PDE3B: variants seen among roughly 807,000 people sequenced by gnomAD.
PDE3B encodes the protein phosphodiesterase 3B.
In PDE3B, 66 loss-of-function variants were observed where a neutral mutation model predicts 116.8. That is an observed-to-expected ratio of 0.56 (90% CI 0.46 to 0.69). The LOEUF is 0.69. PDE3B is among the 30% of genes least tolerant of loss of function. PDE3B has a pLI of 0.00. For synonymous variants in PDE3B, 595 were observed against 533.6 expected, an observed-to-expected ratio of 1.12 and a Z score of -1.59; for missense variants, 1,384 against 1,368.1, an observed-to-expected ratio of 1.01 and a Z score of -0.18.
At chr11:14,777,903 G>A (rs1857838011) in intron 2 of PDE3B, among the ~76,000 whole-genome samples, 1 of 152,126 alleles carries the variant, frequency 6.6e-6, no homozygotes, top group Non-Finnish European at 1.5e-5. Flanking sequence ...CTTTTTCCTA[G>A]CCAAGGGAAG....
intron 1 of PDE3B, among the ~76,000 whole-genome samples, chr11:14,748,019 G>GTA (rs1414268504): frequency 1.3e-5 from 2 of 152,228 alleles, no homozygotes; most frequent in Admixed American, 1.3e-4. Context: ...TACCAACATA[G>GTA]TATAGCATTT....
intron 1 of PDE3B, among the ~76,000 whole-genome samples, chr11:14,724,947 T>G (rs1202902859): frequency 2.0e-5 from 3 of 152,192 alleles, no homozygotes; most frequent in Non-Finnish European, 2.9e-5. Context: ...AGGGATAAGA[T>G]AGTCAAGATC....
At chr11:14,773,509 T>C (rs1254399332) in intron 2 of PDE3B, 1 of 152,162 alleles carries the variant, frequency 6.6e-6, no homozygotes, top group East Asian at 1.9e-4. Flanking sequence ...TATTTACCCT[T>C]TCTATTACCT....
At chr11:14,672,299 C>T (rs1854396551) in intron 1 of PDE3B, among the ~76,000 whole-genome samples, 1 of 151,648 alleles carries the variant, frequency 6.6e-6, no homozygotes, top group Non-Finnish European at 1.5e-5. Context: ...CTTTTTATAG[C>T]TATTACAAAT....
chr11:14,744,527 G>A (rs1357235184), intron 1 of PDE3B, among the ~76,000 whole-genome samples: 1 of 152,118 alleles, frequency 6.6e-6, no homozygotes, highest in Non-Finnish European at 1.5e-5. Context: ...TTATTACCAA[G>A]TATTTTATTA....
intron 1 of PDE3B, among the ~76,000 whole-genome samples, chr11:14,685,653 A>G (rs935031887): frequency 6.6e-6 from 1 of 151,736 alleles, no homozygotes; most frequent in African/African-American, 2.4e-5. Context: ...ACAGGGTTTC[A>G]CCATGTTGGC....
At chr11:14,848,346 A>G (rs373008451) in intron 12 of PDE3B, among the ~76,000 whole-genome samples, 17,541 of 141,596 alleles carry the variant, frequency 0.12, 1,214 homozygotes, top group African/African-American at 0.19. Flanking sequence ...TCTCAAAATA[A>G]TAAGAGCTAT....
chr11:14,700,380 G>A (rs1437591596), intron 1 of PDE3B, among the ~76,000 whole-genome samples: 1 of 150,902 alleles, frequency 6.6e-6, no homozygotes, highest in Non-Finnish European at 1.5e-5. Flanking sequence ...TAGAAAAAGA[G>A]GAAGTTGATT....
At chr11:14,671,970 T>C (rs1854379949) in intron 1 of PDE3B, among the ~76,000 whole-genome samples, 1 of 150,212 alleles carries the variant, frequency 6.7e-6, no homozygotes, top group African/African-American at 2.5e-5. Context: ...TGAGCTGTGA[T>C]TGTGGTACTG....
chr11:14,786,713 A>G (rs368115733), intron 3 of PDE3B, 28 bp downstream of exon 3: 32 of 1,532,868 alleles, frequency 2.1e-5, no homozygotes, highest in Non-Finnish European at 2.8e-5. Flanking sequence ...ATCTAACCCT[A>G]TTTATCAAAT....
intron 7 of PDE3B, among the ~76,000 whole-genome samples, chr11:14,821,840 TAA>T (rs1365012348): frequency 6.6e-6 from 1 of 152,076 alleles, no homozygotes; most frequent in African/African-American, 2.4e-5. Context: ...TTGCCATTAT[TAA>T]GTACGAAAAT....
chr11:14,885,662 T>G, the PDE3B span: 1 of 1,131,362 alleles, frequency 8.8e-7, no homozygotes, highest in Non-Finnish European at 1.3e-6. Flanking sequence ...TGTAAATAAA[T>G]AGTTTCTTAT....
At chr11:14,848,650 A>G (rs1484974626) in intron 12 of PDE3B, among the ~76,000 whole-genome samples, 6 of 152,248 alleles carry the variant, frequency 3.9e-5, no homozygotes, top group Non-Finnish European at 8.8e-5. Context: ...GTCTGAGGAC[A>G]CAAAATCAAT....
intron 1 of PDE3B, among the ~76,000 whole-genome samples, chr11:14,757,728 G>A (rs538697532): frequency 2.4e-3 from 359 of 146,862 alleles, no homozygotes; most frequent in African/African-American, 4.2e-3. Context: ...AGTAGGTTGC[G>A]AAAATTTTCT....
At chr11:14,836,879 G>A (rs890497987) in intron 11 of PDE3B, among the ~76,000 whole-genome samples, 4 of 152,126 alleles carry the variant, frequency 2.6e-5, no homozygotes, top group Admixed American at 6.5e-5. Context: ...GCTTGATCTC[G>A]GCTCACCGCA....
At position 14,679,023 on chromosome 11, in the gene PDE3B, G is replaced by A. The variant is rs549027038; in HGVS notation, c.978+33970G>A. On this transcript the variant is annotated intron_variant, in intron 1 of 15. Transcript: ENST00000282096. ...TGTTGTGTACTCTCCTTTGTTTATC[G>A]AATGGCTTTGGCACCTTTGTCAAGA... Among the ~76,000 whole-genome samples the A allele has an allele frequency of 6.6e-5, 10 of 152,060 alleles. No homozygotes were observed. The South Asian group carries it at 1.2e-3, about 19-fold the overall frequency.
chr11:14,882,288 C>T, the PDE3B span, among the ~76,000 whole-genome samples: 2 of 151,936 alleles, frequency 1.3e-5, no homozygotes, highest in Non-Finnish European at 2.9e-5. Flanking sequence ...TTATACAGCA[C>T]GTAAAAAGAT....
At position 14,834,697 on chromosome 11, in the gene PDE3B, A is replaced by AG. The variant is rs779143912; in HGVS notation, c.2207-285_2207-284insG. ...ATCCAGACACTACATGATATTTTTG[A>AG]AAGCCAGAAAATAGCCACCTTGAGA... On this transcript the variant is annotated intron_variant, in intron 10 of 15. Coordinates refer to ENST00000282096, the MANE Select transcript of PDE3B (RefSeq NM_000922.4). 3.9e-5 allele frequency among the ~76,000 whole-genome samples: 6 copies of AG among 152,346 alleles called. No homozygotes were observed. In the South Asian group the frequency reaches 6.2e-4, roughly 16 times the overall value.
At chr11:14,892,188 T>C in the PDE3B span, 3 of 1,610,198 alleles carry the variant, frequency 1.9e-6, no homozygotes, top group African/African-American at 1.3e-5. Context: ...CCTCTTCAGC[T>C]CTCCAAAGCT....
Sources: gnomAD v4.1 joint callset for allele counts (sites outside exome capture counted in the v4.1 genomes callset) on GRCh38, gnomAD v4.1.1 for gene constraint, MANE v1.5 for transcripts, NCBI Gene and HGNC (gene_info 2026-07-23, HGNC 2026-07-21) for gene names.